The following FBXW11 variants were observed in gnomAD, a reference collection of about 807,000 sequenced individuals.
FBXW11 encodes the protein F-box/WD repeat-containing protein 11.
FBXW11 carries 19 observed loss-of-function variants against 77.6 expected under a neutral mutation model. That is an observed-to-expected ratio of 0.24 (90% CI 0.17 to 0.36). FBXW11 has a LOEUF of 0.36. Ranked by LOEUF, FBXW11 falls within the 10% of genes least tolerant of loss-of-function variation. FBXW11 has a pLI of 1.00. For synonymous variants in FBXW11, 235 were observed against 249.4 expected (o/e 0.94, Z 0.54); for missense variants, 334 against 704.2 (o/e 0.47, Z 5.95).
chr5:171,929,829 G>A (rs1212566852), intron 2 of FBXW11, among the ~76,000 whole-genome samples: 1 of 152,178 alleles, frequency 6.6e-6, no homozygotes, highest in Non-Finnish European at 1.5e-5. Context: ...TCCAGCCTAG[G>A]CGAGAGAGCG....
At chr5:171,865,138 C>G (rs1040463359) in intron 13 of FBXW11, among the ~76,000 whole-genome samples, 5 of 152,008 alleles carry the variant, frequency 3.3e-5, no homozygotes, top group Non-Finnish European at 7.4e-5. Flanking sequence ...TTTAAGGGAA[C>G]CTGAATTATT....
At chr5:171,910,097 C>T (rs1270388225) in intron 4 of FBXW11, among the ~76,000 whole-genome samples, 1 of 146,254 alleles carries the variant, frequency 6.8e-6, no homozygotes, top group Non-Finnish European at 1.5e-5. Context: ...CAGAGTCTCG[C>T]TCTTGTTACC....
intron 10 of FBXW11, 28 bp downstream of exon 10, chr5:171,872,844 C>A (rs1458489857): frequency 6.4e-7 from 1 of 1,554,776 alleles, no homozygotes; most frequent in Non-Finnish European, 8.9e-7. Context: ...AATCAGCCTG[C>A]TCTGTCAGCA....
At chr5:171,967,883 T>TACACACACACACAC (rs59469025) in intron 1 of FBXW11, among the ~76,000 whole-genome samples, 3 of 74,988 alleles carry the variant, frequency 4.0e-5, no homozygotes, top group African/African-American at 1.8e-4. Context: ...TATATATATA[T>TACACACACACACAC]ACACACACAC....
At chr5:171,942,922 C>T (rs1762824144) in intron 2 of FBXW11, among the ~76,000 whole-genome samples, 1 of 152,078 alleles carries the variant, frequency 6.6e-6, no homozygotes, top group Non-Finnish European at 1.5e-5. Context: ...ATGCCCTGGG[C>T]AATGTTTCTT....
At chr5:171,968,476 T>C (rs2113401165) in intron 1 of FBXW11, among the ~76,000 whole-genome samples, 1 of 151,196 alleles carries the variant, frequency 6.6e-6, no homozygotes, top group African/African-American at 2.4e-5. Flanking sequence ...AAAAAAGAAT[T>C]TGGTTGCACT....
At chr5:171,867,579 G>C (rs951913084) in intron 13 of FBXW11, among the ~76,000 whole-genome samples, 3 of 151,820 alleles carry the variant, frequency 2.0e-5, no homozygotes, top group African/African-American at 7.3e-5. Flanking sequence ...TCCTGGTGGA[G>C]TTCTATTTAT....
At chr5:171,891,196 C>T (rs1274410324) in intron 7 of FBXW11, among the ~76,000 whole-genome samples, 2 of 152,030 alleles carry the variant, frequency 1.3e-5, no homozygotes, top group African/African-American at 4.8e-5. Context: ...ATCAAGAGCC[C>T]TGTGATACTG....
intron 2 of FBXW11, among the ~76,000 whole-genome samples, chr5:171,918,064 T>C (rs1487635933): frequency 6.6e-6 from 1 of 151,974 alleles, no homozygotes; most frequent in African/African-American, 2.4e-5. Context: ...CTTCACCAAA[T>C]ACTTTTGGGA....
chr5:171,877,922 T>G, intron 8 of FBXW11, 89 bp downstream of exon 8: 1 of 912,616 alleles, frequency 1.1e-6, no homozygotes, highest in Non-Finnish European at 1.7e-6. Flanking sequence ...AATGTAAGTT[T>G]GTGTATGCCT....
intron 2 of FBXW11, among the ~76,000 whole-genome samples, chr5:171,922,835 C>T (rs1203999070): frequency 1.3e-5 from 2 of 152,064 alleles, no homozygotes; most frequent in African/African-American, 4.8e-5. Flanking sequence ...AGAAATGATA[C>T]CAAAAATACC....
At chr5:171,880,543 T>C (rs887758008) in intron 7 of FBXW11, among the ~76,000 whole-genome samples, 1 of 152,226 alleles carries the variant, frequency 6.6e-6, no homozygotes, top group African/African-American at 2.4e-5. Flanking sequence ...ATCCTCACAA[T>C]AGTCTTCCTA....
intron 2 of FBXW11, among the ~76,000 whole-genome samples, chr5:171,955,719 T>A (rs967508317): frequency 2.0e-5 from 3 of 152,024 alleles, no homozygotes; most frequent in African/African-American, 7.2e-5. Flanking sequence ...ATACCCTCAA[T>A]TATATACTAG....
At chr5:171,934,939 T>TAC (rs1354899187) in intron 2 of FBXW11, among the ~76,000 whole-genome samples, 1 of 152,024 alleles carries the variant, frequency 6.6e-6, no homozygotes. Flanking sequence ...AGCCTAAGGG[T>TAC]ACAGTGGTTT....
In FBXW11 at chr5:171,863,171, C is replaced by T. The variant is rs1387694573; in HGVS notation, c.*956G>A. On this transcript the variant is annotated 3_prime_UTR_variant, in exon 14 of 14. Coordinates refer to ENST00000517395, the MANE Select transcript of FBXW11 (RefSeq NM_001378974.1). ...CACACAAACCACACACACGCAATGA[C>T]AACAACAAAATAAAAACACTGTATG... is the stretch of plus-strand genomic sequence containing the variant. The T allele has an allele frequency of 2.0e-5, 3 of 152,554 alleles. No homozygotes were observed. The highest frequency in any genetic ancestry group is 6.5e-5 in the Admixed American group (1 of 15,276). 9.5% of individuals were successfully genotyped at this position (152,554 alleles called of 1,614,324 possible). A position where few individuals can be genotyped will look rare whatever the true frequency, so the allele number is the denominator to read the frequency against.
chr5:171,896,955 A>C (rs1005079829), intron 6 of FBXW11, among the ~76,000 whole-genome samples: 1 of 152,128 alleles, frequency 6.6e-6, no homozygotes, highest in Non-Finnish European at 1.5e-5. Context: ...TTCCAGACAG[A>C]ATAAAACACA....
rs1305237980 is a variant in FBXW11, at chr5:171,912,891, C to T, written c.210+1452G>A. On this transcript the variant is annotated intron_variant, in intron 3 of 13. Transcript: ENST00000517395. ...CACCACTGCACTCCAGCCTGGGGTG[C>T]ACAGCAAGACTGCGTCAAAAAAAAA... Among the ~76,000 whole-genome samples, 4 of 149,118 alleles carry T rather than the reference C, an allele frequency of 2.7e-5. No homozygotes were observed. In the East Asian group the frequency reaches 7.8e-4, roughly 29 times the overall value.
intron 7 of FBXW11, among the ~76,000 whole-genome samples, chr5:171,890,156 G>A (rs1210015016): frequency 6.6e-6 from 1 of 151,922 alleles, no homozygotes; most frequent in Non-Finnish European, 1.5e-5. Flanking sequence ...GCAAAATGAG[G>A]TATGTTCACA....
In FBXW11 at chr5:171,869,785, G is replaced by T; in HGVS notation, c.1474C>A (p.Gln492Lys). The stretch of plus-strand genomic sequence containing the variant: ...GGGGCTCGAGGGTCAAGAGCAGCTT[G>T]CAAGTCCCAAACTTTAATTTTCCTA... ...YDGKIKVWDLQAALDPRAPAS... is the reference protein window; with the variant it reads ...YDGKIKVWDLKAALDPRAPAS... The change falls in exon 12 of 14, where the codon CAA becomes AAA. Residue 492 changes from glutamine to lysine, a missense_variant. This residue lies in a region of FBXW11 where 30 missense variants were observed against 50.7 expected (regional missense o/e 0.59). Transcript: ENST00000517395. This position sits in a 1 kb window ranked among gnomAD's most constrained non-coding sequence, Gnocchi z 4.1. The T allele has an allele frequency of 3.7e-6, 6 of 1,610,110 alleles. No individual in the cohort carries two copies. The highest frequency in any genetic ancestry group is 5.1e-6 in the Non-Finnish European group (6 of 1,177,826).
Sources: gnomAD v4.1 joint callset for allele counts (sites outside exome capture counted in the v4.1 genomes callset) on GRCh38, gnomAD v4.1.1 for gene constraint, gnomAD v4.1.1 regional missense constraint, Gnocchi (gnomAD v3.1) non-coding constraint, MANE v1.5 for transcripts, NCBI Gene and HGNC (gene_info 2026-07-23, HGNC 2026-07-21) for gene names.